SAG: variants seen among roughly 807,000 people sequenced by gnomAD.
SAG encodes S-antigen visual arrestin, also known as S-arrestin.
In SAG, 45 loss-of-function variants were observed where a neutral mutation model predicts 55.0. The observed-to-expected ratio is 0.82, with a 90% CI of 0.64 to 1.05. The LOEUF is 1.05. SAG is among the 50% of genes least tolerant of loss of function. The pLI, the probability that SAG is intolerant of heterozygous loss-of-function variation, is 0.00. For synonymous variants in SAG, 189 were observed against 197.4 expected, an observed-to-expected ratio of 0.96 and a Z score of 0.36; for missense variants, 455 against 512.1, an observed-to-expected ratio of 0.89 and a Z score of 1.08.
rs572578740 is a variant in SAG at position 233,340,082 on chromosome 2, G to T, written c.1023-373G>T. Among the ~76,000 whole-genome samples, 2 of 151,778 alleles carry T rather than the reference G, an allele frequency of 1.3e-5. No individual in the cohort carries two copies. The highest frequency in any genetic ancestry group is 2.9e-5 in the Non-Finnish European group (2 of 67,978). ...AGCAATTCCCCTGCCTCAGCCTCCC[G>T]AGTAGCTAAGATTACAGGCGCCTGC... is the stretch of plus-strand genomic sequence containing the variant. On this transcript the variant is annotated intron_variant, in intron 12 of 15. Transcript: ENST00000409110. This position sits in a 1 kb window ranked among gnomAD's most constrained non-coding sequence, Gnocchi z 4.2.
At position 233,309,299 on chromosome 2, in the gene SAG, T is replaced by C. The variant is rs200948995; in HGVS notation, c.75+35T>C. ...GCACAAGTGAGTGATTTGATAGAAA[T>C]TATTGTTTAAAAAAAATGGAGCTTT... On this transcript the variant is annotated intron_variant, in intron 2 of 15. Transcript: ENST00000409110. The C allele has an allele frequency of 2.0e-4, 309 of 1,569,964 alleles. 1 individual carries two copies. The East Asian group carries it at 6.8e-3, about 35-fold the overall frequency.
intron 11 of SAG, among the ~76,000 whole-genome samples, 193 bp downstream of exon 11, chr2:233,335,292 A>C (rs1700889886): frequency 6.6e-6 from 1 of 152,152 alleles, no homozygotes. Context: ...TGGGGGTTAC[A>C]CCCATGGGCC....
intron 11 of SAG, among the ~76,000 whole-genome samples, chr2:233,336,469 C>T (rs1160927887): frequency 1.3e-5 from 2 of 151,052 alleles, no homozygotes; most frequent in African/African-American, 2.4e-5. Flanking sequence ...GAGTCGAGAT[C>T]GTGCCATTGC....
intron 8 of SAG, 39 bp from the exon 9 acceptor site, chr2:233,329,454 T>C (rs373247222): frequency 2.4e-6 from 3 of 1,241,762 alleles, no homozygotes; most frequent in Non-Finnish European, 3.6e-6. Context: ...CACCGCCACA[T>C]CTGTTCTCTT....
At chr2:233,311,120 C>T (rs148301526) in intron 2 of SAG, among the ~76,000 whole-genome samples, 12 of 152,240 alleles carry the variant, frequency 7.9e-5, no homozygotes, top group African/African-American at 2.9e-4. Flanking sequence ...TAAGTCCTCA[C>T]AGGTGGGAAA....
At chr2:233,323,358 C>T (rs1369549635) in intron 6 of SAG, among the ~76,000 whole-genome samples, 1 of 151,332 alleles carries the variant, frequency 6.6e-6, no homozygotes, top group Non-Finnish European at 1.5e-5. Flanking sequence ...TGCACTGGCT[C>T]CTTCAATAGA....
intron 6 of SAG, among the ~76,000 whole-genome samples, chr2:233,325,697 T>G (rs1700530833): frequency 6.6e-6 from 1 of 152,188 alleles, no homozygotes; most frequent in Non-Finnish European, 1.5e-5. Context: ...TTTACAACAC[T>G]GTATAGGCCC....
chr2:233,316,669 A>G (rs1305234816), intron 3 of SAG, among the ~76,000 whole-genome samples: 1 of 152,196 alleles, frequency 6.6e-6, no homozygotes, highest in Non-Finnish European at 1.5e-5. Flanking sequence ...TGTATGAAGA[A>G]CGCTCAGAAC....
intron 5 of SAG, among the ~76,000 whole-genome samples, chr2:233,321,677 T>G (rs1700383902): frequency 6.6e-6 from 1 of 152,098 alleles, no homozygotes; most frequent in Non-Finnish European, 1.5e-5. Context: ...GTTCTGGTGA[T>G]AGATAGTGGT....
At chr2:233,327,308 C>A in intron 7 of SAG, 111 bp downstream of exon 7, 1 of 806,158 alleles carries the variant, frequency 1.2e-6, no homozygotes, top group Admixed American at 2.0e-5. Context: ...GCTGGCACGG[C>A]TGGGGTACCA....
Position 233,320,669 on chromosome 2 carries a change from A to G in SAG, c.221A>G (p.Glu74Gly). The change falls in exon 5 of 16, where the codon GAG becomes GGG. Residue 74 changes from glutamate (E) to glycine (G), a missense_variant. By Grantham distance (98) the Glu-to-Gly change is moderately conservative. Transcript: ENST00000409110. ...ACCTGCGCCTTCCGCTATGGCCAAG[A>G]GGACATTGACGTGATCGGCTTGACC... ...TLTCAFRYGQEDIDVIGLTFR... is the reference protein window; with the variant it reads ...TLTCAFRYGQGDIDVIGLTFR... 6.2e-7 allele frequency: 1 copy of G among 1,606,830 alleles called. No homozygotes were observed. The highest frequency in any genetic ancestry group is 8.5e-7 in the Non-Finnish European group (1 of 1,176,748).
chr2:233,332,538 G>A lies in SAG; in HGVS notation c.806+826G>A, dbSNP rs373605648. 109 of 152,462 alleles carry A rather than the reference G, an allele frequency of 7.1e-4. 1 individual carries two copies. Among genetic ancestry groups the A allele is most frequent in the South Asian group, 6.4e-3 (31 of 4,860 alleles). The allele number at this position is 152,462 out of a possible 1,614,324, so 9.4% of individuals were successfully genotyped here. ...GGAGTCTCACTCTGTTGCCCAGGCT[G>A]GAGTGCAGTGGTGAGATCTCAGCTC... On this transcript the variant is annotated intron_variant, in intron 10 of 15. Coordinates refer to ENST00000409110, the MANE Select transcript of SAG (RefSeq NM_000541.5).
chr2:233,334,897 T>A, intron 10 of SAG, 65 bp from the exon 11 acceptor site: 1 of 1,581,146 alleles, frequency 6.3e-7, no homozygotes, highest in Non-Finnish European at 8.7e-7. Flanking sequence ...TAATGTCAAA[T>A]AGGGGCTCAT....
intron 2 of SAG, 126 bp downstream of exon 2, chr2:233,309,390 C>A (rs1700016400): frequency 2.5e-6 from 2 of 799,398 alleles, no homozygotes; most frequent in Non-Finnish European, 4.1e-6. Context: ...GTGGCTCATG[C>A]CTGTAATCCC....
At chr2:233,316,223 T>A in intron 3 of SAG, 88 bp downstream of exon 3, 1 of 751,052 alleles carries the variant, frequency 1.3e-6, no homozygotes, top group Non-Finnish European at 2.3e-6. Context: ...CTGGCCTTGC[T>A]AATAATCTAA....
intron 6 of SAG, among the ~76,000 whole-genome samples, chr2:233,323,985 GA>G (rs1304677952): frequency 1.3e-5 from 2 of 152,176 alleles, no homozygotes; most frequent in African/African-American, 4.8e-5. Flanking sequence ...AGTCTCTAAT[GA>G]GGCAAAGGAG....
chr2:233,324,255 G>C (rs1259054497), intron 6 of SAG, among the ~76,000 whole-genome samples: 5 of 152,112 alleles, frequency 3.3e-5, no homozygotes, highest in African/African-American at 7.2e-5. Context: ...AGCCAGGATT[G>C]GTGGCACATG....
At position 233,307,954 on chromosome 2, in the gene SAG, C is replaced by T. The variant is rs928211243; in HGVS notation, c.-97C>T. The T allele has an allele frequency of 1.3e-5, 2 of 152,462 alleles. No homozygotes were observed. Among genetic ancestry groups the T allele is most frequent in the Non-Finnish European group, 2.9e-5 (2 of 68,126 alleles). 9.4% of individuals were successfully genotyped at this position (152,462 alleles called of 1,614,324 possible). A position where few individuals can be genotyped will look rare whatever the true frequency, so the allele number is the denominator to read the frequency against. On this transcript the variant is annotated 5_prime_UTR_variant, in exon 1 of 16. Coordinates refer to ENST00000409110, the MANE Select transcript of SAG (RefSeq NM_000541.5). Reference sequence around the variant, plus strand: ...CTCAGAACAGGGGCTGGCTATTCATCATCTCAGAGCATAGAGACCCTCTCC... The same window carrying T: ...CTCAGAACAGGGGCTGGCTATTCATTATCTCAGAGCATAGAGACCCTCTCC...
At chr2:233,332,115 T>C (rs372754853) in intron 10 of SAG, 3 of 238,642 alleles carry the variant, frequency 1.3e-5, no homozygotes, top group East Asian at 1.3e-4. Flanking sequence ...TGATCTCAAA[T>C]TGAAATCTTA....
Sources: gnomAD v4.1 joint callset for allele counts (sites outside exome capture counted in the v4.1 genomes callset) on GRCh38, gnomAD v4.1.1 for gene constraint, Gnocchi (gnomAD v3.1) non-coding constraint, MANE v1.5 for transcripts, NCBI Gene and HGNC (gene_info 2026-07-23, HGNC 2026-07-21) for gene names.